ZFHX3: variants seen among roughly 807,000 people sequenced by gnomAD.
The protein encoded by ZFHX3 is zinc finger homeobox protein 3.
ZFHX3 carries 42 observed loss-of-function variants against 279.1 expected under a neutral mutation model. The ratio of observed to expected loss-of-function variants is 0.15; its 90% CI spans 0.12 to 0.19. ZFHX3 has a LOEUF of 0.19. Among genes scored for constraint, ZFHX3 ranks in the 10% least tolerant of loss-of-function variants. ZFHX3 has a pLI of 1.00. For synonymous variants in ZFHX3, 2,293 were observed against 1,957.8 expected, an observed-to-expected ratio of 1.17 and a Z score of -4.52; for missense variants, 4,981 against 4,754.0, an observed-to-expected ratio of 1.05 and a Z score of -1.40.
intron 2 of ZFHX3, among the ~76,000 whole-genome samples, chr16:73,619,580 T>A (rs2143900342): frequency 6.6e-6 from 1 of 151,964 alleles, no homozygotes; most frequent in South Asian, 2.1e-4. Context: ...AGAGAGTCAA[T>A]GTTCTTTTAA....
At chr16:73,397,939 G>A (rs974797159) in intron 3 of ZFHX3, among the ~76,000 whole-genome samples, 2 of 152,166 alleles carry the variant, frequency 1.3e-5, no homozygotes, top group African/African-American at 4.8e-5. Context: ...CTGCCTCCCA[G>A]GTTCAAGTGA....
At chr16:72,970,812 T>C (rs1037141928) in intron 1 of ZFHX3, among the ~76,000 whole-genome samples, 1 of 152,242 alleles carries the variant, frequency 6.6e-6, no homozygotes, top group Non-Finnish European at 1.5e-5. Context: ...ATTGGGATTA[T>C]AGGGCAAAAG....
intron 7 of ZFHX3, chr16:73,125,198 G>GTTTTTTTTTTTTTTTTTTT (rs67029800): frequency 8.7e-6 from 1 of 115,026 alleles, no homozygotes. Context: ...GAATTGAGCT[G>GTTTTTTTTTTTTTTTTTTT]TTTTTTTTTT....
chr16:73,106,358 C>G (rs1375525871), intron 7 of ZFHX3, among the ~76,000 whole-genome samples: 1 of 152,042 alleles, frequency 6.6e-6, no homozygotes, highest in Non-Finnish European at 1.5e-5. Flanking sequence ...ATGCTTTTTG[C>G]ATGGTGTCAG....
At chr16:72,891,646 G>A (rs1468412385) in intron 3 of ZFHX3, among the ~76,000 whole-genome samples, 1 of 152,176 alleles carries the variant, frequency 6.6e-6, no homozygotes, top group African/African-American at 2.4e-5. Context: ...TAGTTAGGGG[G>A]AGAGAGAGAT....
At chr16:73,216,679 C>A (rs562312677) in intron 5 of ZFHX3, among the ~76,000 whole-genome samples, 1 of 152,068 alleles carries the variant, frequency 6.6e-6, no homozygotes, top group East Asian at 1.9e-4. Flanking sequence ...GAGAGAATGG[C>A]CTGAACTCAG....
At chr16:73,197,903 A>G (rs1212100088) in intron 5 of ZFHX3, among the ~76,000 whole-genome samples, 1 of 144,048 alleles carries the variant, frequency 6.9e-6, no homozygotes, top group Admixed American at 7.0e-5. Flanking sequence ...AAAGAAGATA[A>G]GTAGAGTATC....
intron 7 of ZFHX3, chr16:73,127,706 G>A: frequency 9.7e-7 from 1 of 1,031,828 alleles, no homozygotes; most frequent in Non-Finnish European, 1.3e-6. Context: ...ACCTCACTCA[G>A]TAAGGGCTGT....
intron 1 of ZFHX3, among the ~76,000 whole-genome samples, chr16:73,796,801 G>C (rs1443763374): frequency 6.6e-6 from 1 of 152,200 alleles, no homozygotes; most frequent in Non-Finnish European, 1.5e-5. Flanking sequence ...CTCACAGCTT[G>C]TTCATGAAAT....
intron 2 of ZFHX3, among the ~76,000 whole-genome samples, chr16:73,501,199 A>G (rs1025686465): frequency 3.3e-5 from 5 of 152,262 alleles, no homozygotes; most frequent in African/African-American, 1.2e-4. Flanking sequence ...AGGCTAAACC[A>G]CATAGCCTAG....
At chr16:73,489,358 AG>A (rs1430580773) in intron 2 of ZFHX3, among the ~76,000 whole-genome samples, 2 of 152,272 alleles carry the variant, frequency 1.3e-5, no homozygotes, top group Non-Finnish European at 2.9e-5. Flanking sequence ...TTCATTAAAA[AG>A]ATCATTTCAT....
intron 1 of ZFHX3, among the ~76,000 whole-genome samples, chr16:73,788,290 A>G (rs771427867): frequency 3.9e-5 from 6 of 152,150 alleles, no homozygotes; most frequent in Non-Finnish European, 7.3e-5. Flanking sequence ...TAGAAACTAA[A>G]TGGCAAAGGA....
intron 3 of ZFHX3, among the ~76,000 whole-genome samples, chr16:73,352,633 C>T (rs1249229801): frequency 6.6e-6 from 1 of 151,950 alleles, no homozygotes; most frequent in East Asian, 1.9e-4. Flanking sequence ...GCATGTGCCA[C>T]CACGCCAGGT....
chr16:73,849,872 A>T (rs1318189807), intron 1 of ZFHX3, among the ~76,000 whole-genome samples: 1 of 152,196 alleles, frequency 6.6e-6, no homozygotes, highest in Non-Finnish European at 1.5e-5. Context: ...GGCGGGGATT[A>T]CAGGCACCTG....
At chr16:72,868,575 A>C (rs1439153832) in intron 4 of ZFHX3, among the ~76,000 whole-genome samples, 1 of 152,222 alleles carries the variant, frequency 6.6e-6, no homozygotes, top group Non-Finnish European at 1.5e-5. Context: ...CACTCCCTAG[A>C]GGGGAAAGTC....
At position 73,719,976 on chromosome 16, in the gene ZFHX3, T is replaced by C. The variant is rs554210381; in HGVS notation, c.-1607-39736A>G. Among the ~76,000 whole-genome samples the C allele has an allele frequency of 5.3e-5, 8 of 152,336 alleles. No homozygotes were observed. In the East Asian group the frequency reaches 1.5e-3, roughly 29 times the overall value. ...CTTCCACTACAAGAACAGTACTTGTTACCTACAAGCCATGTAATAAATATC... is the reference window on the plus strand; with the variant it reads ...CTTCCACTACAAGAACAGTACTTGTCACCTACAAGCCATGTAATAAATATC... On this transcript the variant is annotated intron_variant, in intron 1 of 17. Transcript: ENST00000641206.
intron 7 of ZFHX3, among the ~76,000 whole-genome samples, chr16:72,802,401 A>C (rs1184544842): frequency 6.6e-6 from 1 of 152,176 alleles, no homozygotes; most frequent in East Asian, 1.9e-4. Flanking sequence ...CCTTCCATCA[A>C]TTAACTCTCC....
At chr16:73,820,043 T>G (rs1224834023) in intron 1 of ZFHX3, among the ~76,000 whole-genome samples, 1 of 152,226 alleles carries the variant, frequency 6.6e-6, no homozygotes, top group African/African-American at 2.4e-5. Context: ...TGGGTGGCCA[T>G]GTCTGACAAA....
At chr16:73,792,864 C>CG (rs965520741) in intron 1 of ZFHX3, among the ~76,000 whole-genome samples, 5 of 147,830 alleles carry the variant, frequency 3.4e-5, no homozygotes, top group Admixed American at 6.7e-5. Context: ...GCACCCCCCC[C>CG]CTCCCCTCTC....
Sources: gnomAD v4.1 joint callset for allele counts (sites outside exome capture counted in the v4.1 genomes callset) on GRCh38, gnomAD v4.1.1 for gene constraint, MANE v1.5 for transcripts, NCBI Gene and HGNC (gene_info 2026-07-23, HGNC 2026-07-21) for gene names.